Variants in ADAMTSL1 observed in about 807,000 individuals in gnomAD.
The protein encoded by ADAMTSL1 is ADAMTS like 1.
ADAMTSL1 carries 126 observed loss-of-function variants against 201.8 expected under a neutral mutation model. That is an observed-to-expected ratio of 0.62 (90% CI 0.54 to 0.72). The LOEUF is 0.72. Among genes scored for constraint, ADAMTSL1 ranks in the 30% least tolerant of loss-of-function variants. ADAMTSL1 has a pLI of 0.00. For synonymous variants in ADAMTSL1, 1,121 were observed against 903.4 expected, an observed-to-expected ratio of 1.24 and a Z score of -4.32; for missense variants, 2,679 against 2,277.8, an observed-to-expected ratio of 1.18 and a Z score of -3.59.
At chr9:17,920,920 C>A (rs1487315498) in intron 1 of ADAMTSL1, among the ~76,000 whole-genome samples, 4 of 152,202 alleles carry the variant, frequency 2.6e-5, no homozygotes, top group Non-Finnish European at 4.4e-5. Flanking sequence ...CGTTTGCAGA[C>A]CCCTGTGCTA....
intron 19 of ADAMTSL1, among the ~76,000 whole-genome samples, chr9:18,788,787 T>A (rs1588112696): frequency 6.6e-6 from 1 of 152,268 alleles, no homozygotes; most frequent in East Asian, 1.9e-4. Context: ...AAACTTTGCT[T>A]ACTTGCTCCT....
rs144167668 is a variant in ADAMTSL1, at chr9:18,091,614, A to G, written c.88-72248A>G. On this transcript the variant is annotated intron_variant, in intron 1 of 29. Coordinates refer to the ADAMTSL1 transcript ENST00000680146. ...TTTGGGTCCTGATGCCAGTTTTAAC[A>G]TTTAGCTGTGTATCCTTGTCCATGT... Among the ~76,000 whole-genome samples, 135 of 152,290 alleles carry G rather than the reference A, an allele frequency of 8.9e-4. 1 individual carries two copies. The highest frequency in any genetic ancestry group is 3.1e-3 in the African/African-American group (129 of 41,568).
At chr9:18,876,750 A>C (rs1049904793) in intron 23 of ADAMTSL1, among the ~76,000 whole-genome samples, 1 of 152,184 alleles carries the variant, frequency 6.6e-6, no homozygotes, top group East Asian at 1.9e-4. Context: ...TCTTTTTGCA[A>C]TTAATTTCCT....
chr9:18,190,998 T>G (rs1180322413), intron 2 of ADAMTSL1, among the ~76,000 whole-genome samples: 1 of 152,200 alleles, frequency 6.6e-6, no homozygotes, highest in East Asian at 1.9e-4. Flanking sequence ...TAGAATGATG[T>G]TACAAGTAAG....
At chr9:18,023,873 A>G (rs983838109) in intron 1 of ADAMTSL1, among the ~76,000 whole-genome samples, 2 of 152,224 alleles carry the variant, frequency 1.3e-5, no homozygotes, top group East Asian at 3.9e-4. Flanking sequence ...TAGTTTGATA[A>G]CAATTGCTAA....
chr9:18,036,476 T>C (rs1345013676), intron 1 of ADAMTSL1, among the ~76,000 whole-genome samples: 1 of 152,228 alleles, frequency 6.6e-6, no homozygotes, highest in Non-Finnish European at 1.5e-5. Context: ...AGGTATAATA[T>C]CACATCTTTA....
chr9:18,565,279 A>G (rs1821806940), intron 3 of ADAMTSL1, among the ~76,000 whole-genome samples: 1 of 152,246 alleles, frequency 6.6e-6, no homozygotes, highest in Admixed American at 6.5e-5. Flanking sequence ...AAGTTTGAAT[A>G]TATTAGAAAG....
chr9:17,999,830 C>T (rs1026666684), intron 1 of ADAMTSL1, among the ~76,000 whole-genome samples: 2 of 150,008 alleles, frequency 1.3e-5, no homozygotes, highest in Non-Finnish European at 3.0e-5. Context: ...GTTCAATTCC[C>T]ACCTATGAGT....
intron 1 of ADAMTSL1, among the ~76,000 whole-genome samples, chr9:18,160,190 G>A (rs1827322589): frequency 6.6e-6 from 1 of 151,992 alleles, no homozygotes; most frequent in African/African-American, 2.4e-5. Context: ...ATCAGAAAGA[G>A]GGGTCACTGT....
intron 2 of ADAMTSL1, among the ~76,000 whole-genome samples, chr9:18,339,939 C>T (rs1414313730): frequency 2.6e-5 from 4 of 152,144 alleles, no homozygotes; most frequent in African/African-American, 7.2e-5. Context: ...TCCTATCAAC[C>T]ATTGATCCTT....
chr9:18,194,140 A>G (rs1201645505), intron 2 of ADAMTSL1, among the ~76,000 whole-genome samples: 1 of 152,114 alleles, frequency 6.6e-6, no homozygotes, highest in Non-Finnish European at 1.5e-5. Context: ...GTGTAGGAAG[A>G]AAAAAAGAAG....
At chr9:18,038,204 A>ATG (rs1821285758) in intron 1 of ADAMTSL1, among the ~76,000 whole-genome samples, 1 of 152,140 alleles carries the variant, frequency 6.6e-6, no homozygotes, top group East Asian at 1.9e-4. Flanking sequence ...AGACTTGCCC[A>ATG]TGTGAGCCTC....
chr9:18,029,612 C>A (rs1187767904), intron 1 of ADAMTSL1, among the ~76,000 whole-genome samples: 2 of 151,876 alleles, frequency 1.3e-5, no homozygotes, highest in African/African-American at 2.4e-5. Flanking sequence ...GAACAGGCAA[C>A]CTACAGAATG....
intron 1 of ADAMTSL1, among the ~76,000 whole-genome samples, chr9:17,947,021 A>G (rs1009115697): frequency 3.3e-5 from 5 of 152,086 alleles, no homozygotes; most frequent in Non-Finnish European, 5.9e-5. Flanking sequence ...ATGATAAAGG[A>G]GCAAAGATAT....
At chr9:17,908,446 C>G (rs72695907) in intron 1 of ADAMTSL1, among the ~76,000 whole-genome samples, 1 of 151,928 alleles carries the variant, frequency 6.6e-6, no homozygotes, top group Non-Finnish European at 1.5e-5. Context: ...CAAAAATGAC[C>G]TGCCTTAATG....
chr9:18,725,192 CA>C (rs1817799467), intron 15 of ADAMTSL1, among the ~76,000 whole-genome samples: 1 of 152,142 alleles, frequency 6.6e-6, no homozygotes, highest in African/African-American at 2.4e-5. Context: ...AGGCGTGAGC[CA>C]ACGTGCCCGG....
At chr9:18,238,455 T>A (rs1413561877) in intron 2 of ADAMTSL1, among the ~76,000 whole-genome samples, 6 of 151,408 alleles carry the variant, frequency 4.0e-5, no homozygotes, top group African/African-American at 1.5e-4. Context: ...GGGTGAGAGG[T>A]TGGGGGTCAT....
At chr9:18,618,749 G>C (rs1448779366) in intron 4 of ADAMTSL1, among the ~76,000 whole-genome samples, 2 of 152,300 alleles carry the variant, frequency 1.3e-5, no homozygotes, top group Non-Finnish European at 2.9e-5. Flanking sequence ...GGGCAGAAAA[G>C]GCATTCCCCA....
In ADAMTSL1 at chr9:18,777,824, C is replaced by G; in HGVS notation, c.3595C>G (p.Leu1199Val). 5 of 1,611,080 alleles carry G rather than the reference C, an allele frequency of 3.1e-6. No individual in the cohort carries two copies. The highest frequency in any genetic ancestry group is 4.2e-6 in the Non-Finnish European group (5 of 1,177,660). The change falls in exon 19 of 29, where the codon CTT becomes GTT. Residue 1199 changes from leucine (L) to valine (V), a missense_variant. Transcript: ENST00000380548. ...CCTGGCCAGCGGGACACTGAGTGTT[C>G]TTCTGCACTGTGAGGCCATCGGCCA... ...VALASGTLSV[L>V]LHCEAIGHPR...
Sources: allele counts gnomAD v4.1 joint callset (sites outside exome capture counted in the v4.1 genomes callset), GRCh38; gene constraint gnomAD v4.1.1; transcripts MANE v1.5; gene names NCBI Gene and HGNC (gene_info 2026-07-23, HGNC 2026-07-21).